TRDN: variants seen among roughly 807,000 people sequenced by gnomAD.
TRDN encodes the protein triadin in skeletal muscle.
In TRDN, 161 loss-of-function variants were observed where a neutral mutation model predicts 149.7. The observed-to-expected ratio is 1.08, with a 90% confidence interval of 0.95 to 1.23. The LOEUF is 1.23. Among genes scored for constraint, TRDN ranks in the 50% most tolerant of loss-of-function variants. The probability of loss-of-function intolerance (pLI) is 0.00; values close to 1 mark genes in which losing one functional copy is unlikely to be tolerated. For synonymous variants in TRDN, 294 were observed against 250.5 expected (o/e 1.17, Z -1.64); for missense variants, 896 against 823.5 (o/e 1.09, Z -1.08).
At chr6:123,442,820 T>G (rs1775003492) in intron 10 of TRDN, among the ~76,000 whole-genome samples, 1 of 152,060 alleles carries the variant, frequency 6.6e-6, no homozygotes, top group African/African-American at 2.4e-5. Flanking sequence ...ATATTTTGTA[T>G]TAAGAAACTA....
intron 9 of TRDN, among the ~76,000 whole-genome samples, chr6:123,469,437 C>A (rs1777024183): frequency 6.6e-6 from 1 of 152,140 alleles, no homozygotes; most frequent in Non-Finnish European, 1.5e-5. Context: ...TGAATTGCCA[C>A]TCATATAATA....
chr6:123,500,916 G>A (rs946138888), intron 8 of TRDN, among the ~76,000 whole-genome samples: 55 of 152,286 alleles, frequency 3.6e-4, no homozygotes, highest in African/African-American at 1.3e-3. Context: ...AGCAAAGTGT[G>A]TGGCAGCTGG....
intron 7 of TRDN, among the ~76,000 whole-genome samples, chr6:123,505,196 A>T (rs1315245669): frequency 7.1e-6 from 1 of 141,776 alleles, no homozygotes; most frequent in East Asian, 2.3e-4. Context: ...GTGAGCCGAG[A>T]TTGCGCCATT....
chr6:123,297,127 T>C (rs1466436130), intron 24 of TRDN, among the ~76,000 whole-genome samples: 2 of 152,126 alleles, frequency 1.3e-5, no homozygotes, highest in Non-Finnish European at 2.9e-5. Context: ...TGGCTATATA[T>C]TATGCTAAGT....
At chr6:123,268,779 G>T (rs1424515053) in intron 31 of TRDN, among the ~76,000 whole-genome samples, 1 of 151,904 alleles carries the variant, frequency 6.6e-6, no homozygotes, top group Non-Finnish European at 1.5e-5. Context: ...TTGCATAAAT[G>T]TTATAGTAAA....
chr6:123,323,673 T>C (rs1779341531), intron 23 of TRDN, among the ~76,000 whole-genome samples: 1 of 152,202 alleles, frequency 6.6e-6, no homozygotes, highest in Admixed American at 6.5e-5. Context: ...ATTAAACACA[T>C]AAAATGGGCC....
intron 14 of TRDN, among the ~76,000 whole-genome samples, chr6:123,384,864 T>C (rs1160072230): frequency 6.6e-6 from 1 of 152,160 alleles, no homozygotes; most frequent in Non-Finnish European, 1.5e-5. Context: ...GAAGAGCTAT[T>C]AATACTAGCT....
At chr6:123,371,775 G>A (rs964697198) in intron 19 of TRDN, among the ~76,000 whole-genome samples, 3 of 152,010 alleles carry the variant, frequency 2.0e-5, no homozygotes, top group African/African-American at 4.8e-5. Context: ...TTTTAAACAA[G>A]AAGCATGCCT....
At position 123,571,101 on chromosome 6, in the gene TRDN, G is replaced by C. The variant is rs1782555596; in HGVS notation, c.54C>G (p.Asp18Glu). 1.2e-6 allele frequency: 2 copies of C among 1,613,798 alleles called. No individual in the cohort carries two copies. The highest frequency in any genetic ancestry group is 1.7e-6 in the Non-Finnish European group (2 of 1,179,838). ...GNASTTTTVI[D>E]SKNGSVPKSP... The stretch of plus-strand genomic sequence containing the variant: ...ATTTGGGCACAGATCCATTTTTGCT[G>C]TCTATCACAGTTGTGGTTGTAGATG... The change falls in exon 2 of 41, where the codon GAC (aspartate) becomes GAG (glutamate). Residue 18 changes from aspartate (D) to glutamate (E), a missense_variant. By Grantham distance (45) the Asp-to-Glu change is conservative (BLOSUM62 2). Coordinates refer to ENST00000334268, the MANE Select transcript of TRDN (RefSeq NM_006073.4).
intron 24 of TRDN, among the ~76,000 whole-genome samples, chr6:123,303,118 C>T (rs1314219873): frequency 6.6e-6 from 1 of 152,020 alleles, no homozygotes; most frequent in Non-Finnish European, 1.5e-5. Context: ...ATCATGATGT[C>T]AAATCACTTA....
intron 38 of TRDN, among the ~76,000 whole-genome samples, chr6:123,251,056 C>T (rs1304161721): frequency 2.0e-5 from 3 of 152,140 alleles, no homozygotes. Flanking sequence ...CTCTCATTAC[C>T]TTTGGCTGTA....
chr6:123,576,919 A>G (rs995104782), intron 1 of TRDN, among the ~76,000 whole-genome samples: 1 of 152,088 alleles, frequency 6.6e-6, no homozygotes, highest in African/African-American at 2.4e-5. Context: ...GACATGTGAC[A>G]TCAGTTTACA....
intron 12 of TRDN, among the ~76,000 whole-genome samples, chr6:123,397,813 T>C (rs145330686): frequency 6.6e-6 from 1 of 152,294 alleles, no homozygotes; most frequent in East Asian, 1.9e-4. Context: ...GTTAAAAGAA[T>C]AGGAGGAGAA....
chr6:123,564,056 ACT>A (rs1157373048), intron 2 of TRDN, among the ~76,000 whole-genome samples: 1 of 152,194 alleles, frequency 6.6e-6, no homozygotes, highest in East Asian at 1.9e-4. Context: ...AAAAATGAAT[ACT>A]TTTTTTCTTT....
At chr6:123,226,279 A>T (rs758515289) in intron 38 of TRDN, among the ~76,000 whole-genome samples, 3 of 151,880 alleles carry the variant, frequency 2.0e-5, no homozygotes, top group Non-Finnish European at 2.9e-5. Flanking sequence ...TCTATATTTT[A>T]AAAATGATGT....
chr6:123,575,838 T>C (rs1423339519), intron 1 of TRDN, among the ~76,000 whole-genome samples: 1 of 152,132 alleles, frequency 6.6e-6, no homozygotes, highest in African/African-American at 2.4e-5. Context: ...ATGAAGAAAC[T>C]GCCAAGTGCA....
intron 9 of TRDN, among the ~76,000 whole-genome samples, chr6:123,490,102 A>G (rs951797756): frequency 5.3e-5 from 8 of 152,224 alleles, no homozygotes; most frequent in African/African-American, 1.7e-4. Flanking sequence ...TATACAAGTG[A>G]AATCTCAGAC....
chr6:123,436,620 A>G (rs1017956856), intron 12 of TRDN, among the ~76,000 whole-genome samples: 1 of 152,018 alleles, frequency 6.6e-6, no homozygotes, highest in African/African-American at 2.4e-5. Flanking sequence ...TTTTTTCCAC[A>G]TACATTATTA....
At chr6:123,416,225 G>A (rs1055506318) in intron 12 of TRDN, among the ~76,000 whole-genome samples, 1 of 152,108 alleles carries the variant, frequency 6.6e-6, no homozygotes, top group Non-Finnish European at 1.5e-5. Context: ...TGCTTAAAAT[G>A]ATCTGTACTC....
Sources: allele counts gnomAD v4.1 joint callset (sites outside exome capture counted in the v4.1 genomes callset), GRCh38; gene constraint gnomAD v4.1.1; transcripts MANE v1.5; gene names NCBI Gene and HGNC (gene_info 2026-07-23, HGNC 2026-07-21).